Variants in ANO2 observed in about 807,000 individuals in gnomAD.
The protein encoded by ANO2 is anoctamin 2.
A neutral mutation model predicts 124.2 loss-of-function variants in ANO2; 101 were observed. That is an observed-to-expected ratio of 0.81 (90% confidence interval 0.69 to 0.96). ANO2 has a LOEUF of 0.96. ANO2 is among the 40% of genes least tolerant of loss of function. ANO2 has a pLI of 0.00. For missense variants in ANO2, 1,293 were observed against 1,274.5 expected, an observed-to-expected ratio of 1.01 and a Z score of -0.22; for synonymous variants, 486 against 482.5, an observed-to-expected ratio of 1.01 and a Z score of -0.09.
intron 3 of ANO2, among the ~76,000 whole-genome samples, chr12:5,898,522 G>T (rs1939949407): frequency 1.3e-5 from 2 of 152,120 alleles, no homozygotes; most frequent in Admixed American, 6.6e-5. Flanking sequence ...AGGAAAATGT[G>T]GTACATTCAA....
chr12:5,887,889 CT>C (rs1487207358), intron 3 of ANO2, among the ~76,000 whole-genome samples: 1 of 150,894 alleles, frequency 6.6e-6, no homozygotes, highest in Admixed American at 6.6e-5. Context: ...GAGAAGAAAC[CT>C]TTGGTGGTGC....
chr12:5,935,935 T>A (rs1357448101), intron 1 of ANO2, among the ~76,000 whole-genome samples: 1 of 152,190 alleles, frequency 6.6e-6, no homozygotes, highest in Non-Finnish European at 1.5e-5. Flanking sequence ...GATCTTGAAA[T>A]ATTAGAAGAA....
At position 5,923,172 on chromosome 12, in the gene ANO2, A is replaced by G. The variant is rs868150830; in HGVS notation, c.23-368T>C. Among the ~76,000 whole-genome samples, 345 of 40,776 alleles carry G rather than the reference A, an allele frequency of 8.5e-3. 120 individuals are homozygous for G. The highest frequency in any genetic ancestry group is 0.029 in the African/African-American group (331 of 11,586). 26.8% of individuals were successfully genotyped at this position (40,776 alleles called of 152,430 possible). A position where few individuals can be genotyped will look rare whatever the true frequency, so the allele number is the denominator to read the frequency against. On this transcript the variant is annotated intron_variant, in intron 1 of 24. Transcript: ENST00000682330. ...CACATACACACACGCATACACACAC[A>G]CGCACACACACATACACACACACGC...
At chr12:5,765,265 A>G (rs1951857111) in intron 10 of ANO2, among the ~76,000 whole-genome samples, 1 of 152,222 alleles carries the variant, frequency 6.6e-6, no homozygotes, top group Non-Finnish European at 1.5e-5. Context: ...TGTACATAGC[A>G]TCTCTCGATT....
chr12:5,851,696 A>G (rs374747852), intron 4 of ANO2, among the ~76,000 whole-genome samples: 35 of 152,030 alleles, frequency 2.3e-4, no homozygotes, highest in Admixed American at 6.5e-4. Flanking sequence ...AAAAAAAAAA[A>G]AAAAAGAGAG....
intron 14 of ANO2, among the ~76,000 whole-genome samples, chr12:5,724,210 G>A (rs1376228999): frequency 6.6e-6 from 1 of 152,054 alleles, no homozygotes; most frequent in Non-Finnish European, 1.5e-5. Context: ...AGAATCTCTG[G>A]CAAAATAAGG....
intron 4 of ANO2, among the ~76,000 whole-genome samples, chr12:5,845,634 A>C (rs1043876045): frequency 5.3e-5 from 8 of 152,308 alleles, no homozygotes; most frequent in Admixed American, 2.0e-4. Context: ...TACTTTGAGA[A>C]ATGCCATTCT....
intron 15 of ANO2, among the ~76,000 whole-genome samples, chr12:5,646,344 C>T (rs1287078070): frequency 6.6e-6 from 1 of 152,164 alleles, no homozygotes; most frequent in Admixed American, 6.5e-5. Context: ...TTGAAAAATA[C>T]ATTTATCCAA....
intron 3 of ANO2, among the ~76,000 whole-genome samples, chr12:5,861,513 G>A (rs1397972296): frequency 6.6e-6 from 1 of 152,178 alleles, no homozygotes; most frequent in Non-Finnish European, 1.5e-5. Context: ...AGACAATAGT[G>A]AGCGGGAGGC....
At chr12:5,679,249 G>A (rs1051895073) in intron 14 of ANO2, among the ~76,000 whole-genome samples, 1 of 152,182 alleles carries the variant, frequency 6.6e-6, no homozygotes, top group Non-Finnish European at 1.5e-5. Context: ...CGATGAAAAT[G>A]TCAAAAGCAA....
intron 16 of ANO2, among the ~76,000 whole-genome samples, chr12:5,628,782 T>C (rs1354310135): frequency 1.3e-5 from 2 of 152,216 alleles, no homozygotes; most frequent in Non-Finnish European, 2.9e-5. Context: ...TGTGCATCAA[T>C]GCACACTCAT....
chr12:5,684,586 C>T (rs929220321), intron 14 of ANO2, among the ~76,000 whole-genome samples: 4 of 152,078 alleles, frequency 2.6e-5, no homozygotes, highest in African/African-American at 9.7e-5. Flanking sequence ...TGTCTTTGAG[C>T]GAGCCTTCAA....
chr12:5,940,261 A>T (rs560556108), intron 1 of ANO2, among the ~76,000 whole-genome samples: 1 of 152,358 alleles, frequency 6.6e-6, no homozygotes, highest in Admixed American at 6.5e-5. Flanking sequence ...TATAAACTGG[A>T]TCAAATCATT....
At chr12:5,660,240 G>T (rs1947370702) in intron 14 of ANO2, among the ~76,000 whole-genome samples, 1 of 151,832 alleles carries the variant, frequency 6.6e-6, no homozygotes, top group Admixed American at 6.6e-5. Flanking sequence ...TTGATATACA[G>T]CCTTTTCTAT....
intron 10 of ANO2, among the ~76,000 whole-genome samples, chr12:5,754,439 T>C (rs551189629): frequency 6.6e-6 from 1 of 152,328 alleles, no homozygotes; most frequent in Admixed American, 6.5e-5. Flanking sequence ...AGGAAGAATT[T>C]GTAAGTCTCT....
At chr12:5,864,246 T>C (rs73257220) in intron 3 of ANO2, among the ~76,000 whole-genome samples, 2,553 of 152,310 alleles carry the variant, frequency 0.017, 69 homozygotes, top group African/African-American at 0.054. Flanking sequence ...TGGGAGTTTA[T>C]GATGCTCAAA....
chr12:5,911,699 GA>G (rs1941061028), intron 3 of ANO2, among the ~76,000 whole-genome samples: 1 of 152,206 alleles, frequency 6.6e-6, no homozygotes, highest in Admixed American at 6.5e-5. Flanking sequence ...CTAACGCAAG[GA>G]AGCCAGACTC....
At chr12:5,770,437 C>T (rs142678149) in intron 10 of ANO2, among the ~76,000 whole-genome samples, 14 of 152,294 alleles carry the variant, frequency 9.2e-5, no homozygotes, top group African/African-American at 2.2e-4. Flanking sequence ...CTCTTCTCCC[C>T]AGTCTTTCAT....
intron 10 of ANO2, among the ~76,000 whole-genome samples, chr12:5,791,347 T>C (rs1345986165): frequency 1.3e-5 from 2 of 152,020 alleles, no homozygotes; most frequent in Non-Finnish European, 2.9e-5. Context: ...AACATGGCAT[T>C]CTGGGGTTGC....
Sources: allele counts gnomAD v4.1 joint callset (sites outside exome capture counted in the v4.1 genomes callset), GRCh38; gene constraint gnomAD v4.1.1; transcripts MANE v1.5; gene names NCBI Gene and HGNC (gene_info 2026-07-23, HGNC 2026-07-21).